SIGLECL1: variants seen among roughly 807,000 people sequenced by gnomAD.
The protein encoded by SIGLECL1 is SIGLEC family-like protein 1.
A neutral mutation model predicts 19.1 loss-of-function variants in SIGLECL1; 16 were observed. That is an observed-to-expected ratio of 0.84 (90% confidence interval 0.57 to 1.27). The LOEUF (loss-of-function observed/expected upper bound fraction) is 1.27, where lower values mean the gene tolerates loss of function less well. Ranked by LOEUF, SIGLECL1 falls within the 50% of genes most tolerant of loss-of-function variation. SIGLECL1 has a pLI of 0.00. For missense variants in SIGLECL1, 210 were observed against 239.4 expected (o/e 0.88, Z 0.81); for synonymous variants, 89 against 90.4 (o/e 0.98, Z 0.09).
upstream of SIGLECL1, among the ~76,000 whole-genome samples, chr19:51,246,844 G>C (rs1156463089): frequency 6.6e-6 from 1 of 152,042 alleles, no homozygotes; most frequent in Non-Finnish European, 1.5e-5. Context: ...ACAAGATAAG[G>C]GTAATCACCC....
chr19:51,252,000 G>A (rs1401238766), intron 1 of SIGLECL1, among the ~76,000 whole-genome samples: 2 of 152,030 alleles, frequency 1.3e-5, no homozygotes, highest in Non-Finnish European at 2.9e-5. Flanking sequence ...GAGAGACATG[G>A]TGGTCAAGGA....
intron 1 of SIGLECL1, among the ~76,000 whole-genome samples, chr19:51,252,932 C>T (rs1982583670): frequency 6.6e-6 from 1 of 151,842 alleles, no homozygotes; most frequent in Non-Finnish European, 1.5e-5. Context: ...CGAGACCAGC[C>T]TGGGTAACAT....
intron 1 of SIGLECL1, chr19:51,255,852 T>C (rs1045427245): frequency 3.3e-5 from 5 of 152,186 alleles, no homozygotes; most frequent in African/African-American, 7.2e-5. Context: ...TAAATTGGTA[T>C]AACCACTATG....
chr19:51,264,098 A>C lies in SIGLECL1; in HGVS notation c.22+4A>C. 1 of 1,613,880 alleles carries C rather than the reference A, an allele frequency of 6.2e-7. No homozygotes were observed. The highest frequency in any genetic ancestry group is 8.5e-7 in the Non-Finnish European group (1 of 1,179,844). ...ATGCTTCCACTGCTACAGCTGGGTAAGTAAGGTGAGAAGCAGCACTGGAGG... is the reference window on the plus strand; with the variant it reads ...ATGCTTCCACTGCTACAGCTGGGTACGTAAGGTGAGAAGCAGCACTGGAGG... On this transcript the variant is annotated splice_donor_region_variant and intron_variant, in intron 2 of 5. Coordinates refer to ENST00000601727, the MANE Select transcript of SIGLECL1 (RefSeq NM_001385465.1).
chr19:51,246,443 C>G (rs563986074), upstream of SIGLECL1: 1 of 152,120 alleles, frequency 6.6e-6, no homozygotes, highest in African/African-American at 2.4e-5. Flanking sequence ...ACAACCTCAA[C>G]GATATTCATA....
At position 51,256,426 on chromosome 19, in the gene SIGLECL1, C is replaced by A. The variant is rs151248931; in HGVS notation, c.-191+4881C>A. On this transcript the variant is annotated intron_variant, in intron 1 of 5. Transcript: ENST00000601727. The stretch of plus-strand genomic sequence containing the variant: ...GTGAAACAAGTCAGACACAGAAAGA[C>A]AAGTACTGCATGATCTCACTTATAT... 7.7e-4 allele frequency among the ~76,000 whole-genome samples: 117 copies of A among 152,274 alleles called. 1 individual carries two copies. Among genetic ancestry groups the A allele is most frequent in the African/African-American group, 2.7e-3 (114 of 41,548 alleles).
intron 5 of SIGLECL1, among the ~76,000 whole-genome samples, chr19:51,267,859 G>T (rs973090159): frequency 4.6e-5 from 7 of 152,178 alleles, no homozygotes; most frequent in Non-Finnish European, 1.0e-4. Flanking sequence ...GCCTCTGAGT[G>T]TATGGCCGGC....
chr19:51,263,045 C>T (rs571890272), intron 1 of SIGLECL1, among the ~76,000 whole-genome samples: 55 of 152,256 alleles, frequency 3.6e-4, no homozygotes, highest in Middle Eastern at 3.4e-3. Flanking sequence ...ACTACAGGTG[C>T]GTACCACCAC....
intron 1 of SIGLECL1, among the ~76,000 whole-genome samples, chr19:51,251,802 T>G (rs1224745807): frequency 6.6e-6 from 1 of 152,204 alleles, no homozygotes; most frequent in Non-Finnish European, 1.5e-5. Flanking sequence ...GAAAATCGTT[T>G]TCCTCACCAT....
At chr19:51,265,942 C>T in intron 4 of SIGLECL1, 60 bp downstream of exon 4, 2 of 1,555,438 alleles carry the variant, frequency 1.3e-6, no homozygotes, top group Non-Finnish European at 1.8e-6. Context: ...CTGGCTGCAG[C>T]CCTGGCACAG....
chr19:51,251,021 A>G (rs1484284665), upstream of SIGLECL1: 1 of 152,268 alleles, frequency 6.6e-6, no homozygotes, highest in East Asian at 1.9e-4. Context: ...AAGCACATGC[A>G]GCCTCTGATT....
Position 51,252,057 on chromosome 19 carries a change from G to A in SIGLECL1, c.-191+512G>A, listed in dbSNP as rs1310370382. ...TCACGTCTGTAATCCCAGCACTTTGGGAGGCTGAGGCCGGGGATCACTTGA... is the reference window on the plus strand; with the variant it reads ...TCACGTCTGTAATCCCAGCACTTTGAGAGGCTGAGGCCGGGGATCACTTGA... On this transcript the variant is annotated intron_variant, in intron 1 of 5. Transcript: ENST00000601727. Among the ~76,000 whole-genome samples, 4 of 152,190 alleles carry A rather than the reference G, an allele frequency of 2.6e-5. No homozygotes were observed. The East Asian group carries it at 5.8e-4, about 22-fold the overall frequency.
intron 1 of SIGLECL1, among the ~76,000 whole-genome samples, chr19:51,261,434 G>A (rs1599796209): frequency 6.6e-6 from 1 of 152,140 alleles, no homozygotes; most frequent in Non-Finnish European, 1.5e-5. Context: ...GATTACAGGG[G>A]CCCGCCACCA....
chr19:51,255,279 GACTT>G lies in SIGLECL1; in HGVS notation c.-191+3736_-191+3739del, dbSNP rs1982732513. Among the ~76,000 whole-genome samples the G allele has an allele frequency of 4.8e-5, 7 of 144,830 alleles. No homozygotes were observed. In the South Asian group the frequency reaches 1.5e-3, roughly 31 times the overall value. ...CTGTCTCAAGAAAAAAAAAAAAAAA[GACTT>G]AAATATAAGAACTGAGATTGTAAAA... On this transcript the variant is annotated intron_variant, in intron 1 of 5. Coordinates refer to ENST00000601727, the MANE Select transcript of SIGLECL1 (RefSeq NM_001385465.1).
At chr19:51,256,372 G>T (rs1216068302) in intron 1 of SIGLECL1, among the ~76,000 whole-genome samples, 1 of 152,196 alleles carries the variant, frequency 6.6e-6, no homozygotes, top group Non-Finnish European at 1.5e-5. Context: ...TTGCAGCAAC[G>T]TAAATAAACC....
intron 1 of SIGLECL1, among the ~76,000 whole-genome samples, chr19:51,257,419 AAAAAG>A (rs1287662073): frequency 4.3e-4 from 65 of 151,266 alleles, no homozygotes; most frequent in African/African-American, 1.5e-3. Context: ...CAAAAAAAAA[AAAAAG>A]AAAAGAAAAG....
chr19:51,261,646 C>T (rs943204101), intron 1 of SIGLECL1, among the ~76,000 whole-genome samples: 2 of 152,148 alleles, frequency 1.3e-5, no homozygotes, highest in African/African-American at 4.8e-5. Context: ...TTGTAAACAG[C>T]ATGGAGTTTG....
At chr19:51,263,853 T>G (rs2123438873) in intron 1 of SIGLECL1, 30 bp from the exon 2 acceptor site, 1 of 513,498 alleles carries the variant, frequency 1.9e-6, no homozygotes, top group East Asian at 3.4e-5. Context: ...CTCATGAGCC[T>G]CTCATCCCAT....
intron 1 of SIGLECL1, among the ~76,000 whole-genome samples, chr19:51,261,743 T>C (rs1313139897): frequency 3.9e-5 from 6 of 152,238 alleles, no homozygotes; most frequent in Non-Finnish European, 2.9e-5. Context: ...CACTGATGTA[T>C]TGGAGTTTAA....
Sources: allele counts gnomAD v4.1 joint callset (sites outside exome capture counted in the v4.1 genomes callset), GRCh38; gene constraint gnomAD v4.1.1; transcripts MANE v1.5; gene names NCBI Gene and HGNC (gene_info 2026-07-23, HGNC 2026-07-21).